Variants in CNTNAP3 observed in about 807,000 individuals in gnomAD.
CNTNAP3 encodes contactin associated protein family member 3.
Under a neutral mutation model 92.1 loss-of-function variants are expected in CNTNAP3, and 36 were observed. The observed-to-expected ratio is 0.39, with a 90% CI of 0.30 to 0.52. CNTNAP3 has a LOEUF of 0.52. Among genes scored for constraint, CNTNAP3 ranks in the 20% least tolerant of loss-of-function variants. The pLI is 0.76. For synonymous variants in CNTNAP3, 232 were observed against 422.3 expected (o/e 0.55, Z 5.53); for missense variants, 534 against 1,069.6 (o/e 0.50, Z 6.98).
intron 13 of CNTNAP3, among the ~76,000 whole-genome samples, chr9:39,123,391 C>T (rs918014330): frequency 5.3e-5 from 8 of 152,056 alleles, no homozygotes; most frequent in East Asian, 1.9e-4. Flanking sequence ...TCACCGCGCC[C>T]GACCCTGTTG....
At chr9:39,100,294 T>C in intron 17 of CNTNAP3, 144 bp from the exon 18 acceptor site, 2 of 1,545,110 alleles carry the variant, frequency 1.3e-6, no homozygotes, top group Non-Finnish European at 1.8e-6. Context: ...ATTTTGAAAA[T>C]GTAACTGTTA....
chr9:39,183,860 A>C (rs1822478861), intron 4 of CNTNAP3, among the ~76,000 whole-genome samples: 1 of 135,726 alleles, frequency 7.4e-6, no homozygotes, highest in Non-Finnish European at 1.6e-5. Flanking sequence ...TTATTGCCAA[A>C]AAATCAAGGT....
intron 18 of CNTNAP3, among the ~76,000 whole-genome samples, chr9:39,094,957 A>C (rs1301281639): frequency 4.6e-5 from 7 of 151,382 alleles, no homozygotes; most frequent in African/African-American, 1.2e-4. Context: ...AAGTTTTCCA[A>C]TTCATGAATA....
Position 39,093,101 on chromosome 9 carries a change from A to G in CNTNAP3, c.2996-4454T>C, listed in dbSNP as rs530651055. 7.5e-3 allele frequency among the ~76,000 whole-genome samples: 1,003 copies of G among 133,462 alleles called. 26 individuals are homozygous for G. The highest frequency in any genetic ancestry group is 0.012 in the Non-Finnish European group (716 of 61,430). 87.6% of individuals were successfully genotyped at this position (133,462 alleles called of 152,430 possible). On this transcript the variant is annotated intron_variant, in intron 18 of 23. Coordinates refer to ENST00000297668, the MANE Select transcript of CNTNAP3 (RefSeq NM_033655.5). ...TATTTTCAACTAAATTACCCCTTTC[A>G]ATCTAAATTGTATGTCCTTAGACAG... is the stretch of plus-strand genomic sequence containing the variant.
intron 23 of CNTNAP3, among the ~76,000 whole-genome samples, chr9:39,076,845 G>A (rs553363234): frequency 6.6e-6 from 1 of 152,420 alleles, no homozygotes; most frequent in South Asian, 2.1e-4. Context: ...GTGGGCACCT[G>A]TATCCCCAGC....
rs1174041778 is a variant in CNTNAP3, at chr9:39,071,369, A to C, written c.*2521T>G. On this transcript the variant is annotated 3_prime_UTR_variant, in exon 24 of 24. Coordinates refer to ENST00000297668, the MANE Select transcript of CNTNAP3 (RefSeq NM_033655.5). ...ATTTCCTAAGGTGAATTTGGACAAA[A>C]ATATTGAGATAATACCACTCACCAG... is the stretch of plus-strand genomic sequence containing the variant. 1.1e-4 allele frequency among the ~76,000 whole-genome samples: 16 copies of C among 151,200 alleles called. No homozygotes were observed. Among genetic ancestry groups the C allele is most frequent in the African/African-American group, 3.7e-4 (15 of 40,758 alleles).
chr9:39,068,235 T>C lies in CNTNAP3; in HGVS notation c.*5655A>G, dbSNP rs1353625860. Among the ~76,000 whole-genome samples the C allele has an allele frequency of 1.1e-5, 1 of 90,498 alleles. No homozygotes were observed. Among genetic ancestry groups the C allele is most frequent in the Non-Finnish European group, 2.3e-5 (1 of 43,494 alleles). The allele number at this position is 90,498 out of a possible 152,430, so 59.4% of individuals were successfully genotyped here. On this transcript the variant is annotated 3_prime_UTR_variant, in exon 24 of 24. Transcript: ENST00000297668. ...TAACACGGTGAAACCTTGCCTCCAC[T>C]AAAAATACAAAAAAAAAAAAAAAAA... is the stretch of plus-strand genomic sequence containing the variant.
chr9:39,121,936 C>A (rs552323153), intron 13 of CNTNAP3, among the ~76,000 whole-genome samples: 31 of 152,198 alleles, frequency 2.0e-4, no homozygotes, highest in African/African-American at 7.5e-4. Context: ...ATGGAAATAC[C>A]CAGCACCAGC....
chr9:39,081,725 A>G (rs1368020300), intron 21 of CNTNAP3, among the ~76,000 whole-genome samples: 1 of 152,044 alleles, frequency 6.6e-6, no homozygotes, highest in Non-Finnish European at 1.5e-5. Context: ...AAACGACTAG[A>G]TAAGTGGACA....
rs188177837 is a variant in CNTNAP3 at position 39,178,962 on chromosome 9, C to T, written c.539-602G>A. ...CGGCTAATGGTACTGCTAATGGGCA[C>T]TGCAATGTGTCAACTTGGCTAGGCC... is the stretch of plus-strand genomic sequence containing the variant. On this transcript the variant is annotated intron_variant, in intron 4 of 23. Transcript: ENST00000297668. Among the ~76,000 whole-genome samples the T allele has an allele frequency of 1.1e-4, 17 of 150,016 alleles. No homozygotes were observed. In the East Asian group the frequency reaches 3.3e-3, roughly 29 times the overall value.
Position 39,150,876 on chromosome 9 carries a change from T to C in CNTNAP3, c.1478-899A>G, listed in dbSNP as rs1415769137. Among the ~76,000 whole-genome samples, 27 of 129,960 alleles carry C rather than the reference T, an allele frequency of 2.1e-4. 2 individuals carry two copies. The allele number at this position is 129,960 out of a possible 152,430, so 85.3% of individuals were successfully genotyped here. On this transcript the variant is annotated intron_variant, in intron 9 of 23. Coordinates refer to ENST00000297668, the MANE Select transcript of CNTNAP3 (RefSeq NM_033655.5). ...TTTTGTGAAACAAGAACAGTACTTA[T>C]AAGAAGCAGTGGTGAGTGCCTGACT...
intron 23 of CNTNAP3, among the ~76,000 whole-genome samples, chr9:39,077,481 CG>C (rs912271155): frequency 4.0e-5 from 6 of 151,852 alleles, no homozygotes; most frequent in African/African-American, 1.5e-4. Context: ...GGCGTGAACC[CG>C]GGAGGCGGAG....
rs925701906 is a variant in CNTNAP3, at chr9:39,065,551, A to G, written c.*8339T>C. Among the ~76,000 whole-genome samples the G allele has an allele frequency of 7.9e-5, 12 of 151,922 alleles. No homozygotes were observed. Among genetic ancestry groups the G allele is most frequent in the African/African-American group, 2.9e-4 (12 of 41,364 alleles). On this transcript the variant is annotated 3_prime_UTR_variant, in exon 24 of 24. Transcript: ENST00000297668. Reference sequence around the variant, plus strand: ...TAATTATATAAAACAATGTTAAACAATTTTTCCTAAGTGGTTGTAGCATTT... The same window carrying G: ...TAATTATATAAAACAATGTTAAACAGTTTTTCCTAAGTGGTTGTAGCATTT...
intron 14 of CNTNAP3, among the ~76,000 whole-genome samples, chr9:39,114,234 C>G (rs865827885): frequency 6.6e-6 from 1 of 151,868 alleles, no homozygotes; most frequent in African/African-American, 2.4e-5. Context: ...AGGCGCCCAC[C>G]ACCATGCCTG....
intron 14 of CNTNAP3, among the ~76,000 whole-genome samples, chr9:39,114,069 C>T (rs201026755): frequency 0.029 from 3,764 of 127,986 alleles, 92 homozygotes; most frequent in East Asian, 0.1. Context: ...TATATATATA[C>T]ACACACACAT....
intron 14 of CNTNAP3, among the ~76,000 whole-genome samples, chr9:39,111,048 T>A (rs1222340323): frequency 3.3e-5 from 5 of 152,172 alleles, no homozygotes; most frequent in African/African-American, 7.2e-5. Context: ...TTAAAAAAAA[T>A]TAAATTGGCA....
rs566894323 is a variant in CNTNAP3 at position 39,103,531 on chromosome 9, A to C, written c.2536+213T>G. The C allele has an allele frequency of 5.8e-6, 3 of 514,038 alleles. No homozygotes were observed. The African/African-American group carries it at 6.0e-5, about 10-fold the overall frequency. 31.8% of individuals were successfully genotyped at this position (514,038 alleles called of 1,614,324 possible). A position where few individuals can be genotyped will look rare whatever the true frequency, so the allele number is the denominator to read the frequency against. ...CAGGAGGCTGAGGTTGCAGTGAGCC[A>C]AGATAATGCCACTGCACTCCAGCAT... On this transcript the variant is annotated intron_variant, in intron 16 of 23. Transcript: ENST00000297668.
intron 14 of CNTNAP3, among the ~76,000 whole-genome samples, chr9:39,113,230 A>G (rs1389396499): frequency 6.6e-6 from 1 of 152,138 alleles, no homozygotes; most frequent in African/African-American, 2.4e-5. Flanking sequence ...ATTGAGAACT[A>G]CTGCTTTAAG....
intron 12 of CNTNAP3, among the ~76,000 whole-genome samples, chr9:39,139,330 T>G (rs1821516180): frequency 6.6e-6 from 1 of 152,190 alleles, no homozygotes; most frequent in African/African-American, 2.4e-5. Flanking sequence ...GATTTCTCAC[T>G]TTGCTTTCAT....
Sources: gnomAD v4.1 joint callset for allele counts (sites outside exome capture counted in the v4.1 genomes callset) on GRCh38, gnomAD v4.1.1 for gene constraint, MANE v1.5 for transcripts, NCBI Gene and HGNC (gene_info 2026-07-23, HGNC 2026-07-21) for gene names.